The following COL23A1 variants were observed in gnomAD, a reference collection of about 807,000 sequenced individuals.
The protein encoded by COL23A1 is collagen alpha-1(XXIII) chain.
In COL23A1, 97 loss-of-function variants were observed where a neutral mutation model predicts 99.3. That is an observed-to-expected ratio of 0.98 (90% CI 0.83 to 1.16). The LOEUF is 1.16. Among genes scored for constraint, COL23A1 ranks in the 50% most tolerant of loss-of-function variants. The probability of loss-of-function intolerance (pLI) is 0.00; values close to 1 mark genes in which losing one functional copy is unlikely to be tolerated. For synonymous variants in COL23A1, 320 were observed against 308.2 expected, an observed-to-expected ratio of 1.04 and a Z score of -0.40; for missense variants, 762 against 757.4, an observed-to-expected ratio of 1.01 and a Z score of -0.07.
chr5:178,272,598 T>C (rs901129657), intron 5 of COL23A1, among the ~76,000 whole-genome samples: 10 of 152,220 alleles, frequency 6.6e-5, no homozygotes, highest in African/African-American at 2.4e-4. Context: ...ATCACAGGCA[T>C]AGTTCTAGTC....
intron 2 of COL23A1, among the ~76,000 whole-genome samples, chr5:178,355,512 GTA>G: frequency 6.6e-6 from 1 of 152,048 alleles, no homozygotes; most frequent in Admixed American, 6.5e-5. Context: ...CGAAGGCTGA[GTA>G]ATTTATAAAG....
chr5:178,331,785 G>A (rs1279290763), intron 2 of COL23A1, among the ~76,000 whole-genome samples: 1 of 152,246 alleles, frequency 6.6e-6, no homozygotes, highest in Admixed American at 6.5e-5. Flanking sequence ...AGCTGGCACA[G>A]GCTTCCTCTG....
intron 2 of COL23A1, among the ~76,000 whole-genome samples, chr5:178,466,896 C>T (rs796413642): frequency 1.3e-5 from 2 of 152,342 alleles, no homozygotes; most frequent in African/African-American, 4.8e-5. Context: ...TAGGAGATGT[C>T]GATTTGTGTC....
intron 2 of COL23A1, chr5:178,351,874 C>G (rs375492092): frequency 2.0e-5 from 3 of 152,122 alleles, no homozygotes; most frequent in African/African-American, 7.2e-5. Flanking sequence ...GACTGGCGCT[C>G]TTATAAGAAG....
At chr5:178,447,097 TA>T (rs1310334844) in intron 2 of COL23A1, among the ~76,000 whole-genome samples, 4 of 140,358 alleles carry the variant, frequency 2.8e-5, no homozygotes, top group Admixed American at 2.0e-4. Context: ...TTTTTATTAT[TA>T]TTTTTTTTTT....
chr5:178,447,783 G>T (rs1170388685), intron 2 of COL23A1, among the ~76,000 whole-genome samples: 1 of 152,220 alleles, frequency 6.6e-6, no homozygotes, highest in Non-Finnish European at 1.5e-5. Context: ...TGGAGAATCT[G>T]TTGGAAGGAG....
intron 1 of COL23A1, among the ~76,000 whole-genome samples, chr5:178,572,478 T>A (rs1006503079): frequency 8.6e-5 from 13 of 151,998 alleles, no homozygotes; most frequent in Non-Finnish European, 1.3e-4. Context: ...CCAAGATATA[T>A]CATAATCAGA....
intron 2 of COL23A1, among the ~76,000 whole-genome samples, chr5:178,371,742 G>A (rs1762812361): frequency 6.6e-6 from 1 of 152,196 alleles, no homozygotes; most frequent in Non-Finnish European, 1.5e-5. Flanking sequence ...CAATGTAGAA[G>A]CGCCTTCCCT....
chr5:178,410,069 T>A (rs1394844929), intron 2 of COL23A1, among the ~76,000 whole-genome samples: 2 of 152,118 alleles, frequency 1.3e-5, no homozygotes, highest in Non-Finnish European at 2.9e-5. Context: ...GCAACTAACA[T>A]CAAATTGAGA....
intron 2 of COL23A1, among the ~76,000 whole-genome samples, chr5:178,355,416 T>G (rs1314968257): frequency 6.6e-6 from 1 of 152,198 alleles, no homozygotes; most frequent in African/African-American, 2.4e-5. Flanking sequence ...ATGGAAACAT[T>G]AAGTCATACA....
chr5:178,386,825 C>T (rs1763701956), intron 2 of COL23A1, among the ~76,000 whole-genome samples: 1 of 152,192 alleles, frequency 6.6e-6, no homozygotes, highest in Admixed American at 6.5e-5. Context: ...ACGCACACTC[C>T]TATGGCCGTG....
At chr5:178,559,493 C>T (rs1250816067) in intron 2 of COL23A1, among the ~76,000 whole-genome samples, 1 of 150,266 alleles carries the variant, frequency 6.7e-6, no homozygotes, top group Non-Finnish European at 1.5e-5. Flanking sequence ...CAAAAGCCAC[C>T]TTTCCCTGCA....
At chr5:178,372,668 C>G (rs573892380) in intron 2 of COL23A1, among the ~76,000 whole-genome samples, 2 of 151,996 alleles carry the variant, frequency 1.3e-5, no homozygotes, top group South Asian at 2.1e-4. Flanking sequence ...GACCTCCCAG[C>G]CTCAAGCCAC....
chr5:178,462,468 C>T (rs187028039), intron 2 of COL23A1, among the ~76,000 whole-genome samples: 93 of 152,276 alleles, frequency 6.1e-4, no homozygotes, highest in African/African-American at 1.9e-3. Context: ...AGAGAAGAAT[C>T]TGTATTAAAT....
chr5:178,421,217 C>G (rs1201156039), intron 2 of COL23A1, among the ~76,000 whole-genome samples: 4 of 152,140 alleles, frequency 2.6e-5, no homozygotes, highest in African/African-American at 9.7e-5. Context: ...TATAGGTTGA[C>G]CTAATGAGTA....
At chr5:178,249,300 C>T in intron 18 of COL23A1, 94 bp from the exon 19 acceptor site, 6 of 1,222,166 alleles carry the variant, frequency 4.9e-6, no homozygotes, top group Admixed American at 1.7e-5. Flanking sequence ...ATGCTAGGGC[C>T]CCACTTTCTC....
intron 2 of COL23A1, among the ~76,000 whole-genome samples, chr5:178,349,500 ATCCC>A (rs1561885855): frequency 5.0e-4 from 7 of 13,888 alleles, no homozygotes; most frequent in Non-Finnish European, 8.5e-4. Flanking sequence ...AGGCGGGCCC[ATCCC>A]CCATGCCCCA....
intron 2 of COL23A1, among the ~76,000 whole-genome samples, chr5:178,356,400 CA>C (rs763816087): frequency 3.7e-4 from 57 of 152,066 alleles, no homozygotes; most frequent in Admixed American, 7.9e-4. Flanking sequence ...AGGCGCAGCA[CA>C]GGGGGTAAAG....
chr5:178,542,251 G>GC (rs1181008081), intron 2 of COL23A1, among the ~76,000 whole-genome samples: 2 of 152,090 alleles, frequency 1.3e-5, no homozygotes, highest in Non-Finnish European at 2.9e-5. Context: ...ACGGGGTTTT[G>GC]CCACGTTGGC....
Sources: gnomAD v4.1 joint callset for allele counts (sites outside exome capture counted in the v4.1 genomes callset) on GRCh38, gnomAD v4.1.1 for gene constraint, MANE v1.5 for transcripts, NCBI Gene and HGNC (gene_info 2026-07-23, HGNC 2026-07-21) for gene names.